CDH13: variants seen among roughly 807,000 people sequenced by gnomAD.
CDH13 encodes the protein cadherin-13.
A neutral mutation model predicts 63.8 loss-of-function variants in CDH13; 24 were observed. That is an observed-to-expected ratio of 0.38 (90% CI 0.27 to 0.53). CDH13 has a LOEUF of 0.53. CDH13 is among the 20% of genes least tolerant of loss of function. CDH13 has a pLI of 0.85. For missense variants in CDH13, 1,049 were observed against 903.1 expected, an observed-to-expected ratio of 1.16 and a Z score of -2.07; for synonymous variants, 503 against 355.3, an observed-to-expected ratio of 1.42 and a Z score of -4.67.
chr16:83,380,538 C>T (rs996016860), intron 6 of CDH13, among the ~76,000 whole-genome samples: 15 of 152,126 alleles, frequency 9.9e-5, no homozygotes, highest in African/African-American at 3.4e-4. Flanking sequence ...AAGAGTGAGA[C>T]ATTTCTTTTT....
chr16:82,783,939 C>T (rs147745739), intron 1 of CDH13, among the ~76,000 whole-genome samples: 4 of 152,204 alleles, frequency 2.6e-5, no homozygotes, highest in Non-Finnish European at 4.4e-5. Context: ...CTAATGTCTT[C>T]ACAATACTTA....
intron 4 of CDH13, among the ~76,000 whole-genome samples, chr16:83,172,583 AAAC>A (rs150409905): frequency 0.099 from 15,031 of 151,992 alleles, 948 homozygotes; most frequent in African/African-American, 0.16. Context: ...CAAAACAAAC[AAAC>A]AACAAGAAAA....
intron 3 of CDH13, among the ~76,000 whole-genome samples, chr16:83,085,818 C>T (rs1455839956): frequency 6.6e-6 from 1 of 152,206 alleles, no homozygotes; most frequent in Non-Finnish European, 1.5e-5. Flanking sequence ...TGCTAAGACA[C>T]ATTGAAGCTC....
chr16:83,757,504 G>C (rs1913610155), intron 11 of CDH13, among the ~76,000 whole-genome samples: 1 of 152,160 alleles, frequency 6.6e-6, no homozygotes, highest in South Asian at 2.1e-4. Context: ...CTTGAACCCA[G>C]GAGGCGGAGG....
At chr16:83,324,888 C>G (rs531793666) in intron 5 of CDH13, among the ~76,000 whole-genome samples, 60 of 152,292 alleles carry the variant, frequency 3.9e-4, no homozygotes, top group African/African-American at 1.3e-3. Context: ...AAATGCTTAA[C>G]ATTGTTTACA....
chr16:82,778,570 GAAAA>G (rs11350020), intron 1 of CDH13, among the ~76,000 whole-genome samples: 2 of 85,784 alleles, frequency 2.3e-5, no homozygotes, highest in African/African-American at 9.4e-5. Flanking sequence ...ATCACGACCA[GAAAA>G]AAAAAAAAAA....
At chr16:83,591,212 C>G (rs1906711128) in intron 7 of CDH13, among the ~76,000 whole-genome samples, 1 of 152,106 alleles carries the variant, frequency 6.6e-6, no homozygotes, top group African/African-American at 2.4e-5. Flanking sequence ...CCCAGCTGGA[C>G]AAGCACTTTC....
At chr16:82,956,837 GA>G (rs376341734) in intron 2 of CDH13, among the ~76,000 whole-genome samples, 5 of 152,298 alleles carry the variant, frequency 3.3e-5, no homozygotes, top group Admixed American at 6.5e-5. Context: ...TATGGGTTTG[GA>G]TGCCATAGCA....
intron 10 of CDH13, among the ~76,000 whole-genome samples, chr16:83,736,480 G>A (rs940919893): frequency 8.6e-5 from 13 of 152,030 alleles, no homozygotes; most frequent in African/African-American, 3.1e-4. Flanking sequence ...TCTCTGTATT[G>A]CTTGGCAGTC....
At chr16:83,059,264 CT>C (rs1363784207) in intron 3 of CDH13, among the ~76,000 whole-genome samples, 1 of 152,118 alleles carries the variant, frequency 6.6e-6, no homozygotes, top group Non-Finnish European at 1.5e-5. Context: ...GGACTGGAGC[CT>C]TTTTTCCTAG....
At chr16:82,781,626 A>G (rs1299416386) in intron 1 of CDH13, among the ~76,000 whole-genome samples, 1 of 152,074 alleles carries the variant, frequency 6.6e-6, no homozygotes, top group Non-Finnish European at 1.5e-5. Context: ...CTACCCATCC[A>G]TTCAGCTATT....
intron 8 of CDH13, among the ~76,000 whole-genome samples, chr16:83,627,583 C>G (rs766269887): frequency 6.6e-6 from 1 of 152,150 alleles, no homozygotes; most frequent in African/African-American, 2.4e-5. Context: ...CAGGGTCTCA[C>G]TCTGTCACCC....
intron 8 of CDH13, among the ~76,000 whole-genome samples, chr16:83,651,317 C>G (rs1398285810): frequency 6.6e-6 from 1 of 152,060 alleles, no homozygotes; most frequent in African/African-American, 2.4e-5. Flanking sequence ...AACATCGTTT[C>G]TTTATGTATT....
rs188424396 is a variant in CDH13 at position 83,453,068 on chromosome 16, C to G, written c.782-33409C>G. On this transcript the variant is annotated intron_variant, in intron 6 of 13. Transcript: ENST00000567109. Reference sequence around the variant, plus strand: ...AAAAGGAATGAATTGATGGCATTCACAGCCACCTGGATGGGATTGGAGACT... The same window carrying G: ...AAAAGGAATGAATTGATGGCATTCAGAGCCACCTGGATGGGATTGGAGACT... 5.9e-5 allele frequency among the ~76,000 whole-genome samples: 9 copies of G among 152,318 alleles called. No homozygotes were observed. The East Asian group carries it at 1.5e-3, about 26-fold the overall frequency.
At chr16:82,981,634 C>G (rs1413468502) in intron 2 of CDH13, among the ~76,000 whole-genome samples, 2 of 152,090 alleles carry the variant, frequency 1.3e-5, no homozygotes, top group East Asian at 3.9e-4. Flanking sequence ...TTCTTTAGGT[C>G]AGAAAAGAAA....
intron 3 of CDH13, among the ~76,000 whole-genome samples, chr16:83,035,203 C>A (rs1217539607): frequency 1.3e-5 from 2 of 152,174 alleles, no homozygotes; most frequent in African/African-American, 4.8e-5. Context: ...GCAGGTCCTA[C>A]TGTGTGCAGC....
chr16:83,481,520 G>A (rs950743918), intron 6 of CDH13, among the ~76,000 whole-genome samples: 6 of 152,154 alleles, frequency 3.9e-5, no homozygotes, highest in African/African-American at 1.4e-4. Flanking sequence ...GAAACCAGGC[G>A]GCACTTGCTT....
chr16:83,779,853 G>A lies in CDH13; in HGVS notation c.1682-115G>A, dbSNP rs1246154235. Reference sequence around the variant, plus strand: ...AGTCTGGGCGATAGAGTGAGACCCTGTCTCAAAAAATAAAATAACTGCAAA... The same window carrying A: ...AGTCTGGGCGATAGAGTGAGACCCTATCTCAAAAAATAAAATAACTGCAAA... On this transcript the variant is annotated intron_variant, in intron 11 of 13. Transcript: ENST00000567109. 3 of 705,350 alleles carry A rather than the reference G, an allele frequency of 4.3e-6. No homozygotes were observed. In the African/African-American group the frequency reaches 5.4e-5, roughly 13 times the overall value. 43.7% of individuals were successfully genotyped at this position (705,350 alleles called of 1,614,324 possible).
At chr16:83,418,218 C>T (rs2071611286) in intron 6 of CDH13, among the ~76,000 whole-genome samples, 1 of 152,134 alleles carries the variant, frequency 6.6e-6, no homozygotes, top group Non-Finnish European at 1.5e-5. Context: ...TCTCACCTCT[C>T]TTTTTATATG....
Sources: allele counts gnomAD v4.1 joint callset (sites outside exome capture counted in the v4.1 genomes callset), GRCh38; gene constraint gnomAD v4.1.1; transcripts MANE v1.5; gene names NCBI Gene and HGNC (gene_info 2026-07-23, HGNC 2026-07-21).